PTPRC: variants seen among roughly 807,000 people sequenced by gnomAD.
PTPRC encodes the protein protein tyrosine phosphatase receptor type C.
PTPRC carries 44 observed loss-of-function variants against 155.9 expected under a neutral mutation model. The ratio of observed to expected loss-of-function variants is 0.28; its 90% CI spans 0.22 to 0.36. The LOEUF (loss-of-function observed/expected upper bound fraction) is 0.36, where lower values mean the gene tolerates loss of function less well. Among genes scored for constraint, PTPRC ranks in the 10% least tolerant of loss-of-function variants. PTPRC has a pLI of 1.00. For missense variants in PTPRC, 1,401 were observed against 1,564.6 expected, an observed-to-expected ratio of 0.90 and a Z score of 1.76; for synonymous variants, 525 against 533.1, an observed-to-expected ratio of 0.98 and a Z score of 0.21.
intron 10 of PTPRC, among the ~76,000 whole-genome samples, chr1:198,709,177 A>G (rs930621944): frequency 2.0e-5 from 3 of 152,234 alleles, no homozygotes; most frequent in Non-Finnish European, 2.9e-5. Flanking sequence ...TCCAGAATCC[A>G]AAATGTTCTC....
intron 12 of PTPRC, among the ~76,000 whole-genome samples, chr1:198,714,523 G>A (rs1169781044): frequency 6.6e-6 from 1 of 152,150 alleles, no homozygotes; most frequent in Non-Finnish European, 1.5e-5. Flanking sequence ...AGAAGGGGAG[G>A]CTAGCTATCA....
At chr1:198,702,072 T>C (rs1218574666) in intron 5 of PTPRC, among the ~76,000 whole-genome samples, 2 of 152,232 alleles carry the variant, frequency 1.3e-5, no homozygotes, top group African/African-American at 4.8e-5. Flanking sequence ...TTGATGCATT[T>C]TTTATATTGC....
chr1:198,736,919 T>C (rs1195589416), intron 23 of PTPRC, among the ~76,000 whole-genome samples: 1 of 151,796 alleles, frequency 6.6e-6, no homozygotes, highest in African/African-American at 2.4e-5. Context: ...GTAGTTTTGA[T>C]TTGCATTTCT....
At chr1:198,692,792 A>G (rs1199260552) in intron 3 of PTPRC, 4 of 914,490 alleles carry the variant, frequency 4.4e-6, no homozygotes, top group Admixed American at 6.2e-5. Flanking sequence ...TTTCTTTAAG[A>G]GTATGTTGCT....
chr1:198,733,077 T>C (rs1200867240), intron 20 of PTPRC, among the ~76,000 whole-genome samples: 1 of 151,866 alleles, frequency 6.6e-6, no homozygotes, highest in Non-Finnish European at 1.5e-5. Context: ...TATGCAGAAA[T>C]GTAAATGTCC....
chr1:198,724,928 A>C (rs896968747), intron 15 of PTPRC, among the ~76,000 whole-genome samples: 1 of 151,980 alleles, frequency 6.6e-6, no homozygotes, highest in African/African-American at 2.4e-5. Flanking sequence ...CAGCTTCCTG[A>C]GTAGCTGGGA....
chr1:198,699,643 A>T lies in PTPRC; in HGVS notation c.378A>T (p.Thr126=). 5 of 1,614,214 alleles carry T rather than the reference A, an allele frequency of 3.1e-6. No individual in the cohort carries two copies. The highest frequency in any genetic ancestry group is 4.2e-6 in the Non-Finnish European group (5 of 1,180,036). ...QTPSAGTDTQ[T]FSGSAANAKL... ...CCTCTGCTGGAACTGACACGCAGAC[A>T]TTCAGCGGCTCCGCCGCCAATGCAA... The change falls in exon 5 of 33, where the codon ACA becomes ACT. Residue 126 remains threonine (T), a synonymous_variant. Transcript: ENST00000442510.
intron 23 of PTPRC, 116 bp from the exon 24 acceptor site, chr1:198,741,753 T>C: frequency 9.7e-7 from 1 of 1,033,520 alleles, no homozygotes; most frequent in South Asian, 1.5e-5. Context: ...ATGAACTCTT[T>C]TGAGTAGTTT....
intron 10 of PTPRC, 50 bp downstream of exon 10, chr1:198,708,311 T>A (rs755358255): frequency 6.5e-7 from 1 of 1,536,942 alleles, no homozygotes; most frequent in Non-Finnish European, 8.9e-7. Context: ...CACAATGTTG[T>A]TCTAGATATT....
At chr1:198,748,227 T>TATC in intron 27 of PTPRC, 28 bp downstream of exon 27, 1 of 1,583,518 alleles carries the variant, frequency 6.3e-7, no homozygotes, top group Non-Finnish European at 8.6e-7. Flanking sequence ...TTATTTTTTG[T>TATC]ATCAGATAAA....
intron 2 of PTPRC, among the ~76,000 whole-genome samples, chr1:198,685,071 G>T (rs1665546376): frequency 6.6e-6 from 1 of 151,944 alleles, no homozygotes. Context: ...CAAATGAACT[G>T]CATGTCAATA....
rs770968074 is a variant in PTPRC, at chr1:198,706,864, C to A, written c.816C>A (p.Asn272Lys). ...NNTCTNNEVH[N>K]LTECKNASVS... is the part of the protein sequence containing the mutation. The stretch of plus-strand genomic sequence containing the variant: ...CTTGCACAAACAATGAGGTGCATAA[C>A]CTTACAGAATGTAAAAATGCGTCTG... Residue 272 changes from asparagine (N) to lysine (K), a missense_variant, in exon 9 of 33, where the codon AAC (asparagine) becomes AAA (lysine). Coordinates refer to ENST00000442510, the MANE Select transcript of PTPRC (RefSeq NM_002838.5). 1.2e-6 allele frequency: 2 copies of A among 1,613,240 alleles called. No homozygotes were observed. Among genetic ancestry groups the A allele is most frequent in the South Asian group, 2.2e-5 (2 of 91,064 alleles).
chr1:198,732,262 G>T (rs1444960516), intron 18 of PTPRC, 38 bp from the exon 19 acceptor site: 1 of 1,495,120 alleles, frequency 6.7e-7, no homozygotes, highest in Admixed American at 1.7e-5. Flanking sequence ...TATTTTTCCT[G>T]AATCTGCTGT....
intron 14 of PTPRC, among the ~76,000 whole-genome samples, chr1:198,719,559 G>A (rs765856113): frequency 9.7e-4 from 147 of 151,894 alleles, no homozygotes; most frequent in Admixed American, 1.6e-3. Context: ...GTTGACAAAC[G>A]GCCTCATATT....
chr1:198,700,457 G>T (rs749562364), intron 5 of PTPRC, among the ~76,000 whole-genome samples: 3 of 152,088 alleles, frequency 2.0e-5, no homozygotes, highest in African/African-American at 7.2e-5. Flanking sequence ...ACATCAAATA[G>T]AATAATTATT....
rs1247091675 is a variant in PTPRC, at chr1:198,756,476, C to CAGAGA, written c.*297_*301dup. On this transcript the variant is annotated 3_prime_UTR_variant, in exon 33 of 33. Transcript: ENST00000442510. ...TATGGGTGTGTGTTTGTGTGAGAGACAGAGAAAGAGAGAGAATTCTTTCAA... is the reference window on the plus strand; with the variant it reads ...TATGGGTGTGTGTTTGTGTGAGAGACAGAGAAGAGAAAGAGAGAGAATTCTTTCAA... 2 of 266,464 alleles carry CAGAGA rather than the reference C, an allele frequency of 7.5e-6. No individual in the cohort carries two copies. The highest frequency in any genetic ancestry group is 4.5e-5 in the African/African-American group (2 of 44,792). The allele number at this position is 266,464 out of a possible 1,614,324, so 16.5% of individuals were successfully genotyped here.
chr1:198,751,952 G>T (rs1208443054), intron 29 of PTPRC, among the ~76,000 whole-genome samples: 3 of 151,656 alleles, frequency 2.0e-5, no homozygotes, highest in Non-Finnish European at 4.4e-5. Flanking sequence ...TGGAAAAGAG[G>T]AGCAAACCTC....
At chr1:198,643,611 G>A (rs1170180212) in intron 2 of PTPRC, among the ~76,000 whole-genome samples, 3 of 151,832 alleles carry the variant, frequency 2.0e-5, no homozygotes, top group African/African-American at 4.8e-5. Flanking sequence ...TCTGGAAAGA[G>A]CCTCCTGACT....
At chr1:198,685,352 T>C (rs1028399134) in intron 2 of PTPRC, among the ~76,000 whole-genome samples, 10 of 151,932 alleles carry the variant, frequency 6.6e-5, no homozygotes, top group Admixed American at 3.9e-4. Context: ...GCTAACTCAT[T>C]GGCTTACTGG....
Sources: gnomAD v4.1 joint callset for allele counts (sites outside exome capture counted in the v4.1 genomes callset) on GRCh38, gnomAD v4.1.1 for gene constraint, MANE v1.5 for transcripts, NCBI Gene and HGNC (gene_info 2026-07-23, HGNC 2026-07-21) for gene names.